GAB2: variants seen among roughly 807,000 people sequenced by gnomAD.
The protein encoded by GAB2 is GRB2-associated-binding protein 2.
GAB2 carries 26 observed loss-of-function variants against 65.5 expected under a neutral mutation model. The observed-to-expected ratio is 0.40, with a 90% CI of 0.29 to 0.55. The LOEUF is 0.55. Among genes scored for constraint, GAB2 ranks in the 20% least tolerant of loss-of-function variants. GAB2 has a pLI of 0.53. For synonymous variants in GAB2, 321 were observed against 329.6 expected (o/e 0.97, Z 0.28); for missense variants, 884 against 875.8 (o/e 1.01, Z -0.12).
At chr11:78,297,850 A>G (rs185817270) in intron 1 of GAB2, among the ~76,000 whole-genome samples, 27 of 152,320 alleles carry the variant, frequency 1.8e-4, no homozygotes, top group Non-Finnish European at 3.1e-4. Context: ...AAACATACAT[A>G]CAACCACATA....
intron 2 of GAB2, among the ~76,000 whole-genome samples, chr11:78,259,810 A>G (rs1242999641): frequency 6.6e-6 from 1 of 152,206 alleles, no homozygotes; most frequent in Non-Finnish European, 1.5e-5. Flanking sequence ...GCCACACAGA[A>G]GGTCAGAAAT....
At chr11:78,351,959 T>C (rs886964504) in intron 1 of GAB2, among the ~76,000 whole-genome samples, 9 of 152,284 alleles carry the variant, frequency 5.9e-5, no homozygotes, top group African/African-American at 2.2e-4. Flanking sequence ...ACACCTGTAA[T>C]ACCAGCACTT....
intron 2 of GAB2, among the ~76,000 whole-genome samples, chr11:78,265,163 G>A (rs1490575083): frequency 6.7e-6 from 1 of 149,804 alleles, no homozygotes; most frequent in Non-Finnish European, 1.5e-5. Flanking sequence ...ATATTCATGC[G>A]ATTCTAAGAC....
rs1181030287 is a variant in GAB2, at chr11:78,218,008, G to C, written c.*1264C>G. 1 of 152,854 alleles carries C rather than the reference G, an allele frequency of 6.5e-6. No homozygotes were observed. The highest frequency in any genetic ancestry group is 1.5e-5 in the Non-Finnish European group (1 of 68,416). 9.5% of individuals were successfully genotyped at this position (152,854 alleles called of 1,614,324 possible). ...ACCACCATGCACACCACTCTTGCACGTGTCCCTCCTTCACTTTCTGCTCCA... is the reference window on the plus strand; with the variant it reads ...ACCACCATGCACACCACTCTTGCACCTGTCCCTCCTTCACTTTCTGCTCCA... On this transcript the variant is annotated 3_prime_UTR_variant, in exon 10 of 10. Coordinates refer to ENST00000361507, the MANE Select transcript of GAB2 (RefSeq NM_080491.3).
At chr11:78,382,273 G>A (rs1054430888) in intron 1 of GAB2, among the ~76,000 whole-genome samples, 5 of 152,218 alleles carry the variant, frequency 3.3e-5, no homozygotes, top group Admixed American at 3.3e-4. Context: ...TGAAGGCCAA[G>A]GACTGTATCA....
intron 1 of GAB2, among the ~76,000 whole-genome samples, chr11:78,339,737 T>C (rs908717468): frequency 3.9e-5 from 6 of 152,202 alleles, no homozygotes; most frequent in African/African-American, 1.4e-4. Flanking sequence ...ACAGAGCTGA[T>C]AGGTCACCTG....
chr11:78,371,529 G>C (rs1267385349), intron 1 of GAB2, among the ~76,000 whole-genome samples: 2 of 152,120 alleles, frequency 1.3e-5, no homozygotes, highest in Non-Finnish European at 2.9e-5. Context: ...GTTCCTCCAG[G>C]ACAACCTCAC....
intron 1 of GAB2, among the ~76,000 whole-genome samples, chr11:78,309,915 G>A (rs1038341869): frequency 7.3e-6 from 1 of 137,916 alleles, no homozygotes; most frequent in Non-Finnish European, 1.5e-5. Context: ...TCACTTTGGG[G>A]AGGGTTAGAA....
intron 2 of GAB2, among the ~76,000 whole-genome samples, chr11:78,279,715 T>C (rs1866279029): frequency 1.3e-5 from 2 of 152,222 alleles, no homozygotes; most frequent in African/African-American, 4.8e-5. Flanking sequence ...GATGGTCCTC[T>C]CTGTCTTCTT....
chr11:78,285,939 A>G (rs1452431696), intron 1 of GAB2, among the ~76,000 whole-genome samples: 2 of 152,194 alleles, frequency 1.3e-5, no homozygotes, highest in Non-Finnish European at 2.9e-5. Context: ...TACAACAATC[A>G]TGAGTGTTTT....
rs1326181115 is a variant in GAB2 at position 78,308,780 on chromosome 11, T to G, written c.76-27879A>C. On this transcript the variant is annotated intron_variant, in intron 1 of 9. Transcript: ENST00000361507. ...AAGGGATGGAGTGGAATAAGAAGAA[T>G]ATGACTGGAAAGAGACATTCAGGGA... 2.0e-5 allele frequency among the ~76,000 whole-genome samples: 3 copies of G among 152,306 alleles called. No individual in the cohort carries two copies. In the East Asian group the frequency reaches 5.8e-4, roughly 29 times the overall value.
Position 78,395,121 on chromosome 11 carries a change from C to T in GAB2, c.75+22525G>A, listed in dbSNP as rs139051514. On this transcript the variant is annotated intron_variant, in intron 1 of 9. Transcript: ENST00000361507. The stretch of plus-strand genomic sequence containing the variant: ...AGAGAGACTGTATCTCCTCCCACCC[C>T]TACACTCTCCAAGGTGAAGAATGGG... 9.4e-3 allele frequency among the ~76,000 whole-genome samples: 1,433 copies of T among 152,308 alleles called. 13 individuals are homozygous for T. Among genetic ancestry groups the T allele is most frequent in the Middle Eastern group, 0.024 (7 of 294 alleles).
At chr11:78,302,843 T>C (rs1227673004) in intron 1 of GAB2, among the ~76,000 whole-genome samples, 1 of 152,194 alleles carries the variant, frequency 6.6e-6, no homozygotes, top group Non-Finnish European at 1.5e-5. Flanking sequence ...GATAGATATA[T>C]GATGGAATAC....
intron 1 of GAB2, among the ~76,000 whole-genome samples, chr11:78,374,097 T>C (rs1378162468): frequency 6.6e-6 from 1 of 152,146 alleles, no homozygotes; most frequent in African/African-American, 2.4e-5. Flanking sequence ...AAACCAATAT[T>C]ATATTATAAC....
chr11:78,216,754 C>G lies in GAB2; in HGVS notation c.*2518G>C, dbSNP rs1472018934. Reference sequence around the variant, plus strand: ...CATGTTTATGGGAGGCTGCAATAGTCTGGGCCCACTTGTGGCTGCTGCGGG... The same window carrying G: ...CATGTTTATGGGAGGCTGCAATAGTGTGGGCCCACTTGTGGCTGCTGCGGG... On this transcript the variant is annotated 3_prime_UTR_variant, in exon 10 of 10. Transcript: ENST00000361507. 1 of 152,288 alleles carries G rather than the reference C, an allele frequency of 6.6e-6. No individual in the cohort carries two copies. Among genetic ancestry groups the G allele is most frequent in the East Asian group, 1.9e-4 (1 of 5,198 alleles). 9.4% of individuals were successfully genotyped at this position (152,288 alleles called of 1,614,324 possible). A position where few individuals can be genotyped will look rare whatever the true frequency, so the allele number is the denominator to read the frequency against.
At chr11:78,395,629 T>C (rs1856886540) in intron 1 of GAB2, among the ~76,000 whole-genome samples, 2 of 152,228 alleles carry the variant, frequency 1.3e-5, no homozygotes, top group Admixed American at 1.3e-4. Context: ...GTATCATCTG[T>C]CCTTGAGAGG....
chr11:78,411,565 C>G (rs1276670227), intron 1 of GAB2, among the ~76,000 whole-genome samples: 3 of 152,180 alleles, frequency 2.0e-5, no homozygotes, highest in African/African-American at 7.2e-5. Context: ...ATACGTCCAA[C>G]TGATTTTTGA....
At chr11:78,272,533 G>C (rs1249063234) in intron 2 of GAB2, among the ~76,000 whole-genome samples, 1 of 152,216 alleles carries the variant, frequency 6.6e-6, no homozygotes, top group Non-Finnish European at 1.5e-5. Flanking sequence ...TCTGGGGGAA[G>C]AAATTTCTAA....
intron 2 of GAB2, among the ~76,000 whole-genome samples, chr11:78,265,025 TAATCTTCATA>T (rs1865838157): frequency 6.6e-6 from 1 of 152,130 alleles, no homozygotes; most frequent in South Asian, 2.1e-4. Context: ...AGTGGATTCT[TAATCTTCATA>T]ATAATCTTGT....
Sources: gnomAD v4.1 joint callset for allele counts (sites outside exome capture counted in the v4.1 genomes callset) on GRCh38, gnomAD v4.1.1 for gene constraint, MANE v1.5 for transcripts, NCBI Gene and HGNC (gene_info 2026-07-23, HGNC 2026-07-21) for gene names.